The following EEPD1 variants were observed in gnomAD, a reference collection of about 807,000 sequenced individuals.
The protein encoded by EEPD1 is endonuclease/exonuclease/phosphatase family domain-containing protein 1.
A neutral mutation model predicts 46.3 loss-of-function variants in EEPD1; 17 were observed. The observed-to-expected ratio is 0.37, with a 90% CI of 0.25 to 0.55. The LOEUF (loss-of-function observed/expected upper bound fraction) is 0.55. Ranked by LOEUF, EEPD1 falls within the 20% of genes least tolerant of loss-of-function variation. The pLI, the probability that EEPD1 is intolerant of heterozygous loss-of-function variation, is 0.83. For synonymous variants in EEPD1, 313 were observed against 315.6 expected, an observed-to-expected ratio of 0.99 and a Z score of 0.09; for missense variants, 673 against 745.6, an observed-to-expected ratio of 0.90 and a Z score of 1.13.
At chr7:36,253,551 C>T (rs1177541215) in intron 3 of EEPD1, among the ~76,000 whole-genome samples, 4 of 152,110 alleles carry the variant, frequency 2.6e-5, no homozygotes, top group African/African-American at 9.7e-5. Flanking sequence ...GTATTGAACT[C>T]TCCAATTATT....
At chr7:36,283,376 T>C (rs1787290807) in intron 4 of EEPD1, among the ~76,000 whole-genome samples, 1 of 152,118 alleles carries the variant, frequency 6.6e-6, no homozygotes. Flanking sequence ...CCGCAGAGGC[T>C]TCCCCTCCAG....
chr7:36,192,197 G>T (rs1562680586), intron 2 of EEPD1, among the ~76,000 whole-genome samples: 1 of 152,252 alleles, frequency 6.6e-6, no homozygotes, highest in Non-Finnish European at 1.5e-5. Flanking sequence ...AACACCGTAA[G>T]TGATGGCGTG....
At chr7:36,215,152 A>G (rs1786007047) in intron 2 of EEPD1, among the ~76,000 whole-genome samples, 1 of 152,212 alleles carries the variant, frequency 6.6e-6, no homozygotes, top group Non-Finnish European at 1.5e-5. Flanking sequence ...CTTTGAAGAC[A>G]CGGGTGAGAT....
intron 3 of EEPD1, among the ~76,000 whole-genome samples, chr7:36,247,406 T>C (rs1786658753): frequency 6.6e-6 from 1 of 152,226 alleles, no homozygotes; most frequent in Non-Finnish European, 1.5e-5. Context: ...TTCACTATGA[T>C]TTGGACTTGC....
Position 36,154,984 on chromosome 7 carries a change from C to T in EEPD1, c.660C>T (p.Ser220=), listed in dbSNP as rs1784803818. The T allele has an allele frequency of 3.1e-6, 5 of 1,613,400 alleles. No homozygotes were observed. The African/African-American group carries it at 6.7e-5, about 21-fold the overall frequency. The change falls in exon 2 of 8, where the codon AGC becomes AGT. Residue 220 remains serine, a synonymous_variant. Coordinates refer to ENST00000242108, the MANE Select transcript of EEPD1 (RefSeq NM_030636.3). This position sits in a 1 kb window ranked among gnomAD's most constrained non-coding sequence, Gnocchi z 4.2. ...GLTFTAKPHP[S]PTSLSLQSED... ...CCTTCACCGCCAAGCCTCACCCGAG[C>T]CCCACTTCCCTGAGCCTGCAGAGTG... is the stretch of plus-strand genomic sequence containing the variant.
chr7:36,299,483 CTGG>C lies in EEPD1; in HGVS notation c.*278_*280del. 2 of 479,048 alleles carry C rather than the reference CTGG, an allele frequency of 4.2e-6. No individual in the cohort carries two copies. The highest frequency in any genetic ancestry group is 2.7e-5 in the South Asian group (1 of 36,990). 29.7% of individuals were successfully genotyped at this position (479,048 alleles called of 1,614,324 possible). A position where few individuals can be genotyped will look rare whatever the true frequency, so the allele number is the denominator to read the frequency against. The stretch of plus-strand genomic sequence containing the variant: ...TGCCACAGACCTGAGCAGCATTGGG[CTGG>C]CTGTCCGCTGCTGACTGGATGGCAG... On this transcript the variant is annotated 3_prime_UTR_variant, in exon 8 of 8. Coordinates refer to ENST00000242108, the MANE Select transcript of EEPD1 (RefSeq NM_030636.3).
At chr7:36,297,269 C>T (rs901430743) in intron 7 of EEPD1, 82 bp downstream of exon 7, 5 of 1,468,506 alleles carry the variant, frequency 3.4e-6, no homozygotes, top group African/African-American at 1.4e-5. Context: ...AGTCATCTCA[C>T]CTCCTCTGAG....
intron 2 of EEPD1, among the ~76,000 whole-genome samples, chr7:36,224,268 A>T (rs775182234): frequency 6.6e-6 from 1 of 152,140 alleles, no homozygotes; most frequent in Non-Finnish European, 1.5e-5. Flanking sequence ...ATCTCAGTGG[A>T]GTGAAAGGTT....
At chr7:36,207,474 C>T (rs1489920612) in intron 2 of EEPD1, among the ~76,000 whole-genome samples, 2 of 152,174 alleles carry the variant, frequency 1.3e-5, no homozygotes, top group African/African-American at 4.8e-5. Context: ...GTTAGGCCAC[C>T]TACTTGAAAT....
intron 2 of EEPD1, among the ~76,000 whole-genome samples, chr7:36,218,175 A>G (rs1351867584): frequency 6.6e-6 from 1 of 152,104 alleles, no homozygotes; most frequent in Non-Finnish European, 1.5e-5. Context: ...TCTATTTTCA[A>G]GTGCACGAGG....
At chr7:36,288,448 A>G (rs972105603) in intron 6 of EEPD1, among the ~76,000 whole-genome samples, 4 of 152,182 alleles carry the variant, frequency 2.6e-5, no homozygotes, top group Non-Finnish European at 5.9e-5. Flanking sequence ...CATGAGAAGA[A>G]TTAAGAGAAC....
intron 2 of EEPD1, among the ~76,000 whole-genome samples, chr7:36,179,732 G>T (rs1199423534): frequency 3.3e-5 from 5 of 151,398 alleles, no homozygotes; most frequent in African/African-American, 1.2e-4. Flanking sequence ...AGTTTTCTGG[G>T]CGTGGTGGCG....
intron 2 of EEPD1, among the ~76,000 whole-genome samples, chr7:36,220,948 C>T (rs185715062): frequency 1.3e-5 from 2 of 152,138 alleles, no homozygotes; most frequent in Admixed American, 1.3e-4. Context: ...TATAGGTGCC[C>T]ACCACCACAC....
intron 3 of EEPD1, among the ~76,000 whole-genome samples, chr7:36,258,270 C>T (rs1583469092): frequency 6.6e-6 from 1 of 152,194 alleles, no homozygotes; most frequent in Non-Finnish European, 1.5e-5. Flanking sequence ...TCAACCCCTG[C>T]TGGGAGGTGT....
chr7:36,272,088 G>T (rs1475144011), intron 3 of EEPD1, among the ~76,000 whole-genome samples: 1 of 151,826 alleles, frequency 6.6e-6, no homozygotes, highest in African/African-American at 2.4e-5. Context: ...TCACCATGTT[G>T]GCCAGGCTGG....
At position 36,154,164 on chromosome 7, in the gene EEPD1, C is replaced by A; in HGVS notation, c.-161C>A. On this transcript the variant is annotated 5_prime_UTR_variant, in exon 2 of 8. Coordinates refer to ENST00000242108, the MANE Select transcript of EEPD1 (RefSeq NM_030636.3). The surrounding 1 kb of genome is among the most constrained non-coding windows in gnomAD (Gnocchi z 4.2). ...AAGTGAAAGGTAATTTTGGACACGC[C>A]AGGCATGGAAGATTCGGTGTTTGTC... The A allele has an allele frequency of 1.2e-6, 1 of 847,100 alleles. No individual in the cohort carries two copies. The highest frequency in any genetic ancestry group is 1.8e-6 in the Non-Finnish European group (1 of 566,032). 52.5% of individuals were successfully genotyped at this position (847,100 alleles called of 1,614,324 possible).
chr7:36,206,691 T>C (rs1785823840), intron 2 of EEPD1, among the ~76,000 whole-genome samples: 1 of 152,240 alleles, frequency 6.6e-6, no homozygotes, highest in Non-Finnish European at 1.5e-5. Flanking sequence ...ATAAGAATTA[T>C]TTACATTTTC....
intron 3 of EEPD1, among the ~76,000 whole-genome samples, chr7:36,264,028 T>A (rs1024692704): frequency 1.3e-5 from 2 of 152,152 alleles, no homozygotes; most frequent in African/African-American, 2.4e-5. Context: ...TATGAAAAAA[T>A]TATATATGTT....
intron 2 of EEPD1, among the ~76,000 whole-genome samples, chr7:36,184,623 C>T (rs1041070582): frequency 2.0e-5 from 3 of 152,092 alleles, no homozygotes; most frequent in Non-Finnish European, 2.9e-5. Context: ...ACAGTTCTTT[C>T]GTAACTAGGC....
Sources: allele counts gnomAD v4.1 joint callset (sites outside exome capture counted in the v4.1 genomes callset), GRCh38; gene constraint gnomAD v4.1.1; non-coding constraint Gnocchi (gnomAD v3.1); transcripts MANE v1.5; gene names NCBI Gene and HGNC (gene_info 2026-07-23, HGNC 2026-07-21).